The following GRIN3B variants were observed in gnomAD, a reference collection of about 807,000 sequenced individuals.
GRIN3B encodes glutamate receptor ionotropic, NMDA 3B.
In GRIN3B, 77 loss-of-function variants were observed where a neutral mutation model predicts 66.0. The ratio of observed to expected loss-of-function variants is 1.17; its 90% CI spans 0.97 to 1.41. GRIN3B has a LOEUF of 1.41. Ranked by LOEUF, GRIN3B falls within the 40% of genes most tolerant of loss-of-function variation. The probability of loss-of-function intolerance (pLI) is 0.00; values close to 1 mark genes in which losing one functional copy is unlikely to be tolerated. For missense variants in GRIN3B, 1,787 were observed against 1,564.5 expected (o/e 1.14, Z -2.40); for synonymous variants, 823 against 749.7 (o/e 1.10, Z -1.60).
In GRIN3B at chr19:1,009,702, G is replaced by T; in HGVS notation, c.*100G>T. On this transcript the variant is annotated 3_prime_UTR_variant, in exon 9 of 9. Coordinates refer to ENST00000234389, the MANE Select transcript of GRIN3B (RefSeq NM_138690.3). ...ATATACAAACACAATTTTGTACACT[G>T]CAATTAAATAGAATGGAATGAGCGC... The T allele has an allele frequency of 9.9e-7, 1 of 1,007,846 alleles. No individual in the cohort carries two copies. Among genetic ancestry groups the T allele is most frequent in the East Asian group, 3.3e-5 (1 of 30,262 alleles). The allele number at this position is 1,007,846 out of a possible 1,614,324, so 62.4% of individuals were successfully genotyped here. A position where few individuals can be genotyped will look rare whatever the true frequency, so the allele number is the denominator to read the frequency against.
chr19:1,004,873 G>T lies in GRIN3B; in HGVS notation c.1372G>T (p.Ala458Ser). The change falls in exon 3 of 9, where the codon GCA becomes TCA. Residue 458 changes from alanine to serine, a missense_variant. Transcript: ENST00000234389. ...PGTNDSATLD[A>S]LFAALANGSA... is the part of the protein sequence containing the mutation. The stretch of plus-strand genomic sequence containing the variant: ...CACCAACGACTCGGCCACCCTGGAC[G>T]CACTGTTCGCCGCGCTGGCCAACGG... 4 of 1,609,906 alleles carry T rather than the reference G, an allele frequency of 2.5e-6. 1 individual carries two copies. Among genetic ancestry groups the T allele is most frequent in the Middle Eastern group, 3.3e-4 (2 of 6,054 alleles).
chr19:1,002,386 G>T (rs1490192891), intron 1 of GRIN3B, among the ~76,000 whole-genome samples: 1 of 115,774 alleles, frequency 8.6e-6, no homozygotes, highest in Non-Finnish European at 1.9e-5. Context: ...AAAAAAAAAA[G>T]CTGGGAGTGG....
chr19:1,007,767 T>C lies in GRIN3B; in HGVS notation c.2192T>C (p.Met731Thr). ...SAPTTPRGVA[M>T]LTSDPPKLNA... ...CCCACCACGCCCCGCGGCGTCGCCA[T>C]GCTCACGTGAGCCCGGGCGCGGGGT... The change falls in exon 4 of 9, where the codon ATG becomes ACG. Residue 731 changes from methionine to threonine, a missense_variant. By Grantham distance (81) the Met-to-Thr change is moderately conservative. Coordinates refer to ENST00000234389, the MANE Select transcript of GRIN3B (RefSeq NM_138690.3). The surrounding 1 kb of genome is among the most constrained non-coding windows in gnomAD (Gnocchi z 4.4). 1 of 1,515,052 alleles carries C rather than the reference T, an allele frequency of 6.6e-7. No individual in the cohort carries two copies. The highest frequency in any genetic ancestry group is 8.8e-7 in the Non-Finnish European group (1 of 1,132,468). The allele number at this position is 1,515,052 out of a possible 1,614,324, so 93.9% of individuals were successfully genotyped here.
rs2038765292 is a variant in GRIN3B, at chr19:1,007,627, G to C, written c.2053-1G>C. 1 of 1,502,798 alleles carries C rather than the reference G, an allele frequency of 6.7e-7. No homozygotes were observed. The highest frequency in any genetic ancestry group is 1.4e-5 in the African/African-American group (1 of 70,114). The allele number at this position is 1,502,798 out of a possible 1,614,324, so 93.1% of individuals were successfully genotyped here. ...AGGCGCTGACGGGGTCCCCCGCGCA[G>C]CTGCACCACCCGGCGCAGGGCTTCC... On this transcript the variant is annotated splice_acceptor_variant, in intron 3 of 8. Transcript: ENST00000234389. LOFTEE classifies it high-confidence loss of function. This position sits in a 1 kb window ranked among gnomAD's most constrained non-coding sequence, Gnocchi z 4.4.
In GRIN3B at chr19:1,008,300, G is replaced by A. The variant is rs1264378511; in HGVS notation, c.2466+9G>A. The A allele has an allele frequency of 3.4e-6, 5 of 1,474,708 alleles. No individual in the cohort carries two copies. The highest frequency in any genetic ancestry group is 4.7e-6 in the Non-Finnish European group (5 of 1,059,092). 91.4% of individuals were successfully genotyped at this position (1,474,708 alleles called of 1,614,324 possible). A position where few individuals can be genotyped will look rare whatever the true frequency, so the allele number is the denominator to read the frequency against. ...TCTTTGCGGTTACAGAGGTGGGGCA[G>A]GGCCTGGGACAGAGGGTGGGGGTGG... On this transcript the variant is annotated intron_variant, in intron 6 of 8. Coordinates refer to ENST00000234389, the MANE Select transcript of GRIN3B (RefSeq NM_138690.3).
chr19:1,005,548 C>A lies in GRIN3B; in HGVS notation c.2047C>A (p.Pro683Thr). 6.3e-7 allele frequency: 1 copy of A among 1,590,232 alleles called. No individual in the cohort carries two copies. Among genetic ancestry groups the A allele is most frequent in the Non-Finnish European group, 8.6e-7 (1 of 1,165,814 alleles). ...CGAGGAGCTGTCGGGGATCCACGACCCCAAGGTGGGCGGCCTCGGGGGGCT... is the reference window on the plus strand; with the variant it reads ...CGAGGAGCTGTCGGGGATCCACGACACCAAGGTGGGCGGCCTCGGGGGGCT... ...TFEELSGIHD[P>T]KLHHPAQGFR... Residue 683 changes from proline to threonine, a missense_variant, in exon 3 of 9, where the codon CCC becomes ACC. Transcript: ENST00000234389. The surrounding 1 kb of genome is among the most constrained non-coding windows in gnomAD (Gnocchi z 5.2).
In GRIN3B at chr19:1,003,687, G is replaced by T; in HGVS notation, c.984G>T (p.Pro328=). 1 of 1,407,090 alleles carries T rather than the reference G, an allele frequency of 7.1e-7. No individual in the cohort carries two copies. Among genetic ancestry groups the T allele is most frequent in the East Asian group, 2.9e-5 (1 of 34,718 alleles). The allele number at this position is 1,407,090 out of a possible 1,614,324, so 87.2% of individuals were successfully genotyped here. The change falls in exon 2 of 9, where the codon CCG becomes CCT. Residue 328 remains proline (P), a synonymous_variant. Transcript: ENST00000234389. ...PAPVNCGDLQ[P]AGPESPGRFL... is the part of the protein sequence containing the mutation. ...CGGTCAACTGCGGGGACCTGCAGCC[G>T]GCCGGGCCCGAGTCCCCGGGGCGCT...
Position 1,009,636 on chromosome 19 carries a change from C to T in GRIN3B, c.*34C>T. ...CCGGGCCGTTTGGGCTCAAGACACA[C>T]ACACAGCGCAGTGAGCCGCTGTCAA... On this transcript the variant is annotated 3_prime_UTR_variant, in exon 9 of 9. Coordinates refer to ENST00000234389, the MANE Select transcript of GRIN3B (RefSeq NM_138690.3). The T allele has an allele frequency of 3.6e-6, 5 of 1,377,156 alleles. No individual in the cohort carries two copies. The South Asian group carries it at 6.4e-5, about 18-fold the overall frequency. The allele number at this position is 1,377,156 out of a possible 1,614,324, so 85.3% of individuals were successfully genotyped here.
chr19:1,009,629 A>T lies in GRIN3B; in HGVS notation c.*27A>T. On this transcript the variant is annotated 3_prime_UTR_variant, in exon 9 of 9. Transcript: ENST00000234389. ...GCGGCAGCCGGGCCGTTTGGGCTCA[A>T]GACACACACACAGCGCAGTGAGCCG... 1 of 1,397,210 alleles carries T rather than the reference A, an allele frequency of 7.2e-7. No individual in the cohort carries two copies. Among genetic ancestry groups the T allele is most frequent in the Admixed American group, 3.3e-5 (1 of 30,500 alleles). The allele number at this position is 1,397,210 out of a possible 1,614,324, so 86.6% of individuals were successfully genotyped here. A position where few individuals can be genotyped will look rare whatever the true frequency, so the allele number is the denominator to read the frequency against.
chr19:1,004,691 A>G lies in GRIN3B; in HGVS notation c.1190A>G (p.Glu397Gly), dbSNP rs1412314998. Residue 397 changes from glutamate (E) to glycine (G), a missense_variant, in exon 3 of 9, where the codon GAA (glutamate) becomes GGA (glycine). Transcript: ENST00000234389. ...TGGCGGGACGGCCAGCTGGACTTGG[A>G]ACCGGGAGGTGCCTCTGCACGGCCC... is the stretch of plus-strand genomic sequence containing the variant. ...GSWRDGQLDL[E>G]PGGASARPPP... 6.2e-7 allele frequency: 1 copy of G among 1,602,038 alleles called. No homozygotes were observed. Among genetic ancestry groups the G allele is most frequent in the South Asian group, 1.1e-5 (1 of 90,206 alleles).
In GRIN3B at chr19:1,005,179, C is replaced by T. The variant is rs143489067; in HGVS notation, c.1678C>T (p.Arg560Trp). 79 of 1,613,544 alleles carry T rather than the reference C, an allele frequency of 4.9e-5. No individual in the cohort carries two copies. The highest frequency in any genetic ancestry group is 6.4e-5 in the Non-Finnish European group (75 of 1,179,980). The change falls in exon 3 of 9, where the codon CGG becomes TGG. Residue 560 changes from arginine to tryptophan, a missense_variant. By Grantham distance (101) the Arg-to-Trp change is moderately radical. Coordinates refer to ENST00000234389, the MANE Select transcript of GRIN3B (RefSeq NM_138690.3). This position sits in a 1 kb window ranked among gnomAD's most constrained non-coding sequence, Gnocchi z 5.2. ...CAGCCTGGGCATCATGGTGCGGGCA[C>T]GGGACACGGCCTCACCCATCGGTGC... ...STSLGIMVRA[R>W]DTASPIGAFM...
At position 1,005,058 on chromosome 19, in the gene GRIN3B, C is replaced by A. The variant is rs2038731173; in HGVS notation, c.1557C>A (p.Asp519Glu). The A allele has an allele frequency of 6.2e-7, 1 of 1,611,392 alleles. No homozygotes were observed. Among genetic ancestry groups the A allele is most frequent in the Non-Finnish European group, 8.5e-7 (1 of 1,179,078 alleles). The change falls in exon 3 of 9, where the codon GAC becomes GAA. Residue 519 changes from aspartate to glutamate, a missense_variant. By Grantham distance (45) the Asp-to-Glu change is conservative (BLOSUM62 2). Coordinates refer to ENST00000234389, the MANE Select transcript of GRIN3B (RefSeq NM_138690.3). The surrounding 1 kb of genome is among the most constrained non-coding windows in gnomAD (Gnocchi z 5.2). Reference protein sequence around the residue: ...RDGRWTGLVGDLLAGRAHMAV... With the variant: ...RDGRWTGLVGELLAGRAHMAV... ...GCCGCTGGACCGGCCTGGTCGGGGACCTGCTGGCCGGCCGGGCCCACATGG... is the reference window on the plus strand; with the variant it reads ...GCCGCTGGACCGGCCTGGTCGGGGAACTGCTGGCCGGCCGGGCCCACATGG...
chr19:1,000,451 G>C lies in GRIN3B; in HGVS notation c.14G>C (p.Arg5Pro). The C allele has an allele frequency of 8.2e-7, 1 of 1,213,052 alleles. No homozygotes were observed. Among genetic ancestry groups the C allele is most frequent in the Non-Finnish European group, 1.0e-6 (1 of 974,488 alleles). The allele number at this position is 1,213,052 out of a possible 1,614,324, so 75.1% of individuals were successfully genotyped here. ...GACAACTTTGCGATGGAGTTTGTGC[G>C]GGCGCTGTGGCTGGGCCTGGCGCTG... MEFV[R>P]ALWLGLALAL... The change falls in exon 1 of 9, where the codon CGG becomes CCG. Residue 5 changes from arginine (R) to proline (P), a missense_variant. Transcript: ENST00000234389.
At chr19:1,004,458 A>AGT in intron 2 of GRIN3B, 63 bp from the exon 3 acceptor site, 1 of 1,397,538 alleles carries the variant, frequency 7.2e-7, no homozygotes, top group African/African-American at 1.4e-5. Context: ...CGTGCTGGGC[A>AGT]GGGGTGAGAG....
At position 1,005,583 on chromosome 19, in the gene GRIN3B, C is replaced by G. The variant is rs765229214; in HGVS notation, c.2052+30C>G. The stretch of plus-strand genomic sequence containing the variant: ...GCGGCCTCGGGGGGCTGCGGGTGGC[C>G]TTGGGGGGCTAGCGGTGGCCCCGGG... On this transcript the variant is annotated intron_variant, in intron 3 of 8. Coordinates refer to ENST00000234389, the MANE Select transcript of GRIN3B (RefSeq NM_138690.3). This position sits in a 1 kb window ranked among gnomAD's most constrained non-coding sequence, Gnocchi z 5.2. The G allele has an allele frequency of 3.3e-6, 5 of 1,514,906 alleles. No individual in the cohort carries two copies. In the Admixed American group the frequency reaches 1.0e-4, roughly 31 times the overall value. 93.8% of individuals were successfully genotyped at this position (1,514,906 alleles called of 1,614,324 possible). A position where few individuals can be genotyped will look rare whatever the true frequency, so the allele number is the denominator to read the frequency against.
rs868255308 is a variant in GRIN3B at position 1,008,296 on chromosome 19, G to A, written c.2466+5G>A. 9 of 1,483,118 alleles carry A rather than the reference G, an allele frequency of 6.1e-6. No individual in the cohort carries two copies. The Middle Eastern group carries it at 1.6e-3, about 259-fold the overall frequency. The allele number at this position is 1,483,118 out of a possible 1,614,324, so 91.9% of individuals were successfully genotyped here. On this transcript the variant is annotated splice_donor_5th_base_variant and intron_variant, in intron 6 of 8. Coordinates refer to ENST00000234389, the MANE Select transcript of GRIN3B (RefSeq NM_138690.3). Reference sequence around the variant, plus strand: ...CGGGTCTTTGCGGTTACAGAGGTGGGGCAGGGCCTGGGACAGAGGGTGGGG... The same window carrying A: ...CGGGTCTTTGCGGTTACAGAGGTGGAGCAGGGCCTGGGACAGAGGGTGGGG...
Position 1,003,466 on chromosome 19 carries a change from G to C in GRIN3B, c.763G>C (p.Gly255Arg), listed in dbSNP as rs753790329. Residue 255 changes from glycine to arginine, a missense_variant, in exon 2 of 9, where the codon GGC becomes CGC. Coordinates refer to ENST00000234389, the MANE Select transcript of GRIN3B (RefSeq NM_138690.3). Reference sequence around the variant, plus strand: ...TCGGGTGCTGGAGGCCGTACCTCCCGGCCCCCACTGGCTGTTGGGGACACC... The same window carrying C: ...TCGGGTGCTGGAGGCCGTACCTCCCCGCCCCCACTGGCTGTTGGGGACACC... ...ARRVLEAVPPGPHWLLGTPLP... is the reference protein window; with the variant it reads ...ARRVLEAVPPRPHWLLGTPLP... The C allele has an allele frequency of 1.3e-6, 2 of 1,537,896 alleles. No homozygotes were observed. Among genetic ancestry groups the C allele is most frequent in the East Asian group, 2.4e-5 (1 of 41,080 alleles).
rs1466665679 is a variant in GRIN3B, at chr19:1,007,795, G to A, written c.2198+22G>A. 4 of 1,514,024 alleles carry A rather than the reference G, an allele frequency of 2.6e-6. No individual in the cohort carries two copies. The highest frequency in any genetic ancestry group is 2.5e-5 in the South Asian group (2 of 80,466). 93.8% of individuals were successfully genotyped at this position (1,514,024 alleles called of 1,614,324 possible). A position where few individuals can be genotyped will look rare whatever the true frequency, so the allele number is the denominator to read the frequency against. On this transcript the variant is annotated intron_variant, in intron 4 of 8. Transcript: ENST00000234389. The surrounding 1 kb of genome is among the most constrained non-coding windows in gnomAD (Gnocchi z 4.4). ...TCACGTGAGCCCGGGCGCGGGGTGA[G>A]GCGGGGGCGGGGCGTGGGGTGGGCG...
At chr19:1,006,065 G>C (rs1162782976) in intron 3 of GRIN3B, among the ~76,000 whole-genome samples, 1 of 152,206 alleles carries the variant, frequency 6.6e-6, no homozygotes, top group Non-Finnish European at 1.5e-5. Flanking sequence ...GTTCAGGCTG[G>C]TCTCAAACGC....
Sources: gnomAD v4.1 joint callset for allele counts (sites outside exome capture counted in the v4.1 genomes callset) on GRCh38, gnomAD v4.1.1 for gene constraint, Gnocchi (gnomAD v3.1) non-coding constraint, MANE v1.5 for transcripts, NCBI Gene and HGNC (gene_info 2026-07-23, HGNC 2026-07-21) for gene names.